The following MOSMO variants were observed in gnomAD, a reference collection of about 807,000 sequenced individuals.
MOSMO encodes the protein modulator of smoothened.
In MOSMO, 5 loss-of-function variants were observed where a neutral mutation model predicts 18.4. The observed-to-expected ratio is 0.27, with a 90% CI of 0.14 to 0.57. The LOEUF is 0.57. MOSMO is among the 20% of genes least tolerant of loss of function. The pLI, the probability that MOSMO is intolerant of heterozygous loss-of-function variation, is 0.92. For synonymous variants in MOSMO, 82 were observed against 82.3 expected, an observed-to-expected ratio of 1.00 and a Z score of 0.02; for missense variants, 138 against 211.8, an observed-to-expected ratio of 0.65 and a Z score of 2.16.
At chr16:22,086,628 C>G (rs1310655139), downstream of MOSMO, among the ~76,000 whole-genome samples, 1 of 152,152 alleles carries the variant, frequency 6.6e-6, no homozygotes, top group Non-Finnish European at 1.5e-5. Flanking sequence ...GTTTTTTCAT[C>G]TGTAGAATGG....
At chr16:22,073,537 T>C (rs1405436837) in intron 1 of MOSMO, among the ~76,000 whole-genome samples, 2 of 151,368 alleles carry the variant, frequency 1.3e-5, no homozygotes, top group Admixed American at 1.3e-4. Context: ...CATAAGACAC[T>C]CCCTCAAGTT....
At chr16:22,078,982 G>A (rs1027303133) in intron 2 of MOSMO, among the ~76,000 whole-genome samples, 6 of 152,206 alleles carry the variant, frequency 3.9e-5, no homozygotes, top group African/African-American at 1.2e-4. Context: ...TGCCCAAAAT[G>A]AAATAAGCTG....
rs1900951139 is a variant in MOSMO, at chr16:22,075,619, C to T, written c.239C>T (p.Thr80Ile). The part of the protein sequence containing the change: ...FFIIMGIISL[T>I]VTCGLLVASH... ...ATCATCATGGGAATCATTTCATTGACTGTCACATGTGGTTTGCTGGTGGCT... is the reference window on the plus strand; with the variant it reads ...ATCATCATGGGAATCATTTCATTGATTGTCACATGTGGTTTGCTGGTGGCT... Residue 80 changes from threonine to isoleucine, a missense_variant, in exon 2 of 3, where the codon ACT becomes ATT. Transcript: ENST00000542527. 6.5e-7 allele frequency: 1 copy of T among 1,537,298 alleles called. No individual in the cohort carries two copies. Among genetic ancestry groups the T allele is most frequent in the African/African-American group, 1.4e-5 (1 of 73,060 alleles).
rs534238323 is a variant in MOSMO, at chr16:22,050,490, G to C, written c.107-24997G>C. Among the ~76,000 whole-genome samples the C allele has an allele frequency of 1.6e-4, 25 of 152,284 alleles. No individual in the cohort carries two copies. In the South Asian group the frequency reaches 2.3e-3, roughly 14 times the overall value. On this transcript the variant is annotated intron_variant, in intron 1 of 2. Transcript: ENST00000542527. ...GACATGTTGATTATCACAGCTGTTA[G>C]AGGGAGAGAGTGCTACTGACTTCTA...
chr16:22,046,476 TTAATA>T (rs1000972890), intron 1 of MOSMO, among the ~76,000 whole-genome samples: 2 of 152,152 alleles, frequency 1.3e-5, no homozygotes, highest in African/African-American at 4.8e-5. Flanking sequence ...TTCAATTACA[TTAATA>T]TTATATATTA....
chr16:22,057,661 C>T (rs889908275), intron 1 of MOSMO, among the ~76,000 whole-genome samples: 4 of 151,720 alleles, frequency 2.6e-5, no homozygotes, highest in African/African-American at 9.7e-5. Context: ...TAGATACTGG[C>T]CATATAGAGA....
In MOSMO at chr16:22,084,255, A is replaced by G. The variant is rs547501712; in HGVS notation, c.*3375A>G. On this transcript the variant is annotated 3_prime_UTR_variant, in exon 3 of 3. Transcript: ENST00000542527. Reference sequence around the variant, plus strand: ...TTTATTTTGTCTTTATTAAAAGACTACTAGCCACAAGTTACTCTGATTATA... The same window carrying G: ...TTTATTTTGTCTTTATTAAAAGACTGCTAGCCACAAGTTACTCTGATTATA... The G allele has an allele frequency of 6.6e-6, 1 of 152,514 alleles. No homozygotes were observed. Among genetic ancestry groups the G allele is most frequent in the South Asian group, 2.1e-4 (1 of 4,834 alleles). The allele number at this position is 152,514 out of a possible 1,614,324, so 9.4% of individuals were successfully genotyped here. A position where few individuals can be genotyped will look rare whatever the true frequency, so the allele number is the denominator to read the frequency against.
At chr16:22,062,530 C>T (rs1388025382) in intron 1 of MOSMO, among the ~76,000 whole-genome samples, 1 of 152,054 alleles carries the variant, frequency 6.6e-6, no homozygotes, top group Non-Finnish European at 1.5e-5. Flanking sequence ...AGTGTGTTGC[C>T]CAGGCTCAAA....
rs923767170 is a variant in MOSMO, at chr16:22,057,884, G to A, written c.107-17603G>A. The stretch of plus-strand genomic sequence containing the variant: ...CAGGGAATAGTTCTGCCAGCAAAAA[G>A]AATAATGTGCAAAAGGCCCTGAAGT... On this transcript the variant is annotated intron_variant, in intron 1 of 2. Coordinates refer to ENST00000542527, the MANE Select transcript of MOSMO (RefSeq NM_001164579.2). Among the ~76,000 whole-genome samples the A allele has an allele frequency of 4.6e-5, 7 of 152,246 alleles. No homozygotes were observed. The South Asian group carries it at 6.2e-4, about 14-fold the overall frequency.
Position 22,008,322 on chromosome 16 carries a change from C to G in MOSMO, c.21C>G (p.Ile7Met). The change falls in exon 1 of 3, where the codon ATC becomes ATG. Residue 7 changes from isoleucine (I) to methionine (M), a missense_variant. By Grantham distance (10) the Ile-to-Met change is conservative (BLOSUM62 1). Coordinates refer to ENST00000542527, the MANE Select transcript of MOSMO (RefSeq NM_001164579.2). MDKLTI[I>M]SGCLFLAADI... ...GGGAGATGGATAAACTGACCATCAT[C>G]TCAGGATGTCTCTTTCTGGCCGCCG... 6.5e-7 allele frequency: 1 copy of G among 1,532,648 alleles called. No homozygotes were observed. The highest frequency in any genetic ancestry group is 1.2e-5 in the South Asian group (1 of 83,844). 94.9% of individuals were successfully genotyped at this position (1,532,648 alleles called of 1,614,324 possible).
At chr16:22,073,134 T>A (rs952606759) in intron 1 of MOSMO, among the ~76,000 whole-genome samples, 63 of 152,114 alleles carry the variant, frequency 4.1e-4, no homozygotes, top group Admixed American at 4.1e-3. Context: ...TTTCTAACGC[T>A]GAGAGAGTAA....
intron 1 of MOSMO, among the ~76,000 whole-genome samples, chr16:22,040,205 G>C (rs1900183961): frequency 1.3e-5 from 2 of 152,102 alleles, no homozygotes; most frequent in Admixed American, 1.3e-4. Flanking sequence ...CTTATAAGTG[G>C]GAGCTAAATG....
At chr16:22,008,473 C>A in intron 1 of MOSMO, 66 bp downstream of exon 1, 2 of 1,164,264 alleles carry the variant, frequency 1.7e-6, no homozygotes, top group Non-Finnish European at 2.4e-6. Context: ...AGGGGAGACC[C>A]GGACTGAGGA....
At chr16:22,028,296 T>C (rs1042389418) in intron 1 of MOSMO, among the ~76,000 whole-genome samples, 7 of 152,052 alleles carry the variant, frequency 4.6e-5, no homozygotes, top group African/African-American at 1.7e-4. Flanking sequence ...ATATTTGTTT[T>C]ATTATAATCA....
chr16:22,054,545 T>C (rs937500628), intron 1 of MOSMO, among the ~76,000 whole-genome samples: 3 of 152,226 alleles, frequency 2.0e-5, no homozygotes, highest in Non-Finnish European at 4.4e-5. Context: ...CCTCTCTCTT[T>C]ATATTGTTTA....
rs1303704927 is a variant in MOSMO, at chr16:22,083,732, T to A, written c.*2852T>A. Reference sequence around the variant, plus strand: ...TCACTGTAAAATCTGCTGAAAACTATTTTTAGGTTTTATTTGCACAAGACT... The same window carrying A: ...TCACTGTAAAATCTGCTGAAAACTAATTTTAGGTTTTATTTGCACAAGACT... On this transcript the variant is annotated 3_prime_UTR_variant, in exon 3 of 3. Transcript: ENST00000542527. The A allele has an allele frequency of 2.2e-6, 1 of 450,418 alleles. No individual in the cohort carries two copies. Among genetic ancestry groups the A allele is most frequent in the African/African-American group, 2.0e-5 (1 of 49,734 alleles). 27.9% of individuals were successfully genotyped at this position (450,418 alleles called of 1,614,324 possible).
At chr16:22,086,136 G>A (rs546156502), downstream of MOSMO, 1 of 152,248 alleles carries the variant, frequency 6.6e-6, no homozygotes, top group South Asian at 2.1e-4. Flanking sequence ...CATTGAACCA[G>A]TCTTCCTTCA....
At chr16:22,013,336 A>G (rs780002697) in intron 1 of MOSMO, among the ~76,000 whole-genome samples, 2 of 152,170 alleles carry the variant, frequency 1.3e-5, no homozygotes, top group Non-Finnish European at 2.9e-5. Context: ...TATGTTATTT[A>G]TGCACACCTT....
chr16:22,024,015 A>ATATATATATATT lies in MOSMO; in HGVS notation c.106+15609_106+15610insATATATATATTT, dbSNP rs915616422. Reference sequence around the variant, plus strand: ...GTACAAATTATATATATATATATATATTTTCTTAAGAAACTTAGTTTATCC... The same window carrying ATATATATATATT: ...GTACAAATTATATATATATATATATATATATATATATTTTTTCTTAAGAAACTTAGTTTATCC... On this transcript the variant is annotated intron_variant, in intron 1 of 2. Transcript: ENST00000542527. Among the ~76,000 whole-genome samples, 25 of 136,394 alleles carry ATATATATATATT rather than the reference A, an allele frequency of 1.8e-4. 2 individuals carry two copies. In the South Asian group the frequency reaches 5.7e-3, roughly 31 times the overall value. 89.5% of individuals were successfully genotyped at this position (136,394 alleles called of 152,430 possible).
Sources: gnomAD v4.1 joint callset for allele counts (sites outside exome capture counted in the v4.1 genomes callset) on GRCh38, gnomAD v4.1.1 for gene constraint, MANE v1.5 for transcripts, NCBI Gene and HGNC (gene_info 2026-07-23, HGNC 2026-07-21) for gene names.